Variants in CACNA1D observed in about 807,000 individuals in gnomAD.
CACNA1D encodes calcium voltage-gated channel subunit alpha1 D, also known as voltage-dependent L-type calcium channel subunit alpha-1D.
A neutral mutation model predicts 257.1 loss-of-function variants in CACNA1D; 55 were observed. The ratio of observed to expected loss-of-function variants is 0.21; its 90% CI spans 0.17 to 0.27. CACNA1D has a LOEUF of 0.27. Among genes scored for constraint, CACNA1D ranks in the 10% least tolerant of loss-of-function variants. The pLI is 1.00. For synonymous variants in CACNA1D, 980 were observed against 1,014.9 expected, an observed-to-expected ratio of 0.97 and a Z score of 0.65; for missense variants, 1,876 against 2,784.0, an observed-to-expected ratio of 0.67 and a Z score of 7.34.
chr3:53,517,399 A>T (rs760294607), intron 3 of CACNA1D, among the ~76,000 whole-genome samples: 5 of 152,088 alleles, frequency 3.3e-5, no homozygotes, highest in Admixed American at 1.3e-4. Context: ...GAAAGAGCCA[A>T]CCAGGCCAGA....
Position 53,643,324 on chromosome 3 carries a change from C to T in CACNA1D, c.484-7455C>T, listed in dbSNP as rs923493517. On this transcript the variant is annotated intron_variant, in intron 3 of 47. Transcript: ENST00000350061. ...CTCTGAGCCGACGCCTGCCTGCCCA[C>T]CAGCCTCCTGTGGTTTACCCACCAA... Among the ~76,000 whole-genome samples, 3 of 152,110 alleles carry T rather than the reference C, an allele frequency of 2.0e-5. No individual in the cohort carries two copies. In the South Asian group the frequency reaches 6.2e-4, roughly 32 times the overall value.
intron 8 of CACNA1D, among the ~76,000 whole-genome samples, chr3:53,688,033 A>G (rs1176226194): frequency 6.6e-6 from 1 of 152,268 alleles, no homozygotes; most frequent in Non-Finnish European, 1.5e-5. Flanking sequence ...AGTATCTCAT[A>G]AAGTTAAACA....
chr3:53,809,542 G>C (rs58956730), intron 46 of CACNA1D: 1 of 255,638 alleles, frequency 3.9e-6, no homozygotes, highest in South Asian at 5.2e-5. Context: ...GCCAAATGCC[G>C]GCTCTAGGAT....
intron 4 of CACNA1D, among the ~76,000 whole-genome samples, chr3:53,655,637 T>C (rs1454111740): frequency 2.0e-5 from 3 of 152,230 alleles, no homozygotes; most frequent in African/African-American, 7.2e-5. Context: ...TCATGTCCTT[T>C]GCTGACTTTT....
At chr3:53,750,947 C>G (rs958373761) in intron 27 of CACNA1D, among the ~76,000 whole-genome samples, 9 of 152,160 alleles carry the variant, frequency 5.9e-5, no homozygotes, top group Admixed American at 5.2e-4. Context: ...AGTGCTCCAG[C>G]TGGGTCCCAA....
At chr3:53,733,918 G>A (rs1186526141) in intron 19 of CACNA1D, among the ~76,000 whole-genome samples, 1 of 106,386 alleles carries the variant, frequency 9.4e-6, no homozygotes, top group Non-Finnish European at 2.0e-5. Context: ...CCCTTTGTGT[G>A]TGTGTGTGTG....
intron 29 of CACNA1D, among the ~76,000 whole-genome samples, chr3:53,761,497 T>C (rs1401112027): frequency 6.6e-6 from 1 of 152,280 alleles, no homozygotes; most frequent in Middle Eastern, 3.2e-3. Context: ...GCATGGCCTT[T>C]GTAATACAGG....
intron 8 of CACNA1D, among the ~76,000 whole-genome samples, chr3:53,685,302 A>G (rs890185611): frequency 1.3e-5 from 2 of 152,214 alleles, no homozygotes; most frequent in African/African-American, 4.8e-5. Flanking sequence ...GCACCTAAAT[A>G]CAGCTTGAGA....
intron 23 of CACNA1D, 69 bp downstream of exon 23, chr3:53,744,896 G>C: frequency 1.2e-6 from 1 of 867,564 alleles, no homozygotes; most frequent in Non-Finnish European, 2.0e-6. Context: ...GGCTCTTCTG[G>C]GCAGAGCTGA....
intron 41 of CACNA1D, 44 bp from the exon 42 acceptor site, chr3:53,801,014 A>T: frequency 6.2e-7 from 1 of 1,608,244 alleles, no homozygotes; most frequent in Non-Finnish European, 8.5e-7. Context: ...GTCTGCATCA[A>T]ATACTTGTTA....
At position 53,555,909 on chromosome 3, in the gene CACNA1D, C is replaced by A. The variant is rs547020544; in HGVS notation, c.483+54189C>A. Among the ~76,000 whole-genome samples, 4 of 152,238 alleles carry A rather than the reference C, an allele frequency of 2.6e-5. No individual in the cohort carries two copies. The East Asian group carries it at 7.7e-4, about 29-fold the overall frequency. On this transcript the variant is annotated intron_variant, in intron 3 of 47. Transcript: ENST00000350061. ...AGCTTTAACATATAAATTGTTGTAT[C>A]TCTTACCACAATTAAGATAACAGAA...
chr3:53,801,344 A>G lies in CACNA1D; in HGVS notation c.5327A>G (p.Asn1776Ser). Reference protein sequence around the residue: ...AAHGKRPSIGNLEHVSENGHH... With the variant: ...AAHGKRPSIGSLEHVSENGHH... ...CATGGAAAGCGGCCCAGCATTGGGAACCTTGAGCATGTGTCTGAAAATGGG... is the reference window on the plus strand; with the variant it reads ...CATGGAAAGCGGCCCAGCATTGGGAGCCTTGAGCATGTGTCTGAAAATGGG... The change falls in exon 42 of 48, where the codon AAC (asparagine) becomes AGC (serine). Residue 1776 changes from asparagine to serine, a missense_variant. Asn to Ser is a conservative substitution (Grantham distance 46). This residue lies in a region of CACNA1D where 491 missense variants were observed against 554.3 expected (regional missense o/e 0.89). Transcript: ENST00000350061. 6.2e-7 allele frequency: 1 copy of G among 1,614,204 alleles called. No homozygotes were observed.
chr3:53,520,890 C>CTTTCTTTCTTTCTTTCTTTTCT (rs1366127073), intron 3 of CACNA1D, among the ~76,000 whole-genome samples: 2 of 120,558 alleles, frequency 1.7e-5, no homozygotes, highest in African/African-American at 3.2e-5. Flanking sequence ...TTCTTTCTTT[C>CTTTCTTTCTTTCTTTCTTTTCT]TTTCTTTTCT....
At chr3:53,537,670 A>G (rs944279154) in intron 3 of CACNA1D, among the ~76,000 whole-genome samples, 1 of 152,214 alleles carries the variant, frequency 6.6e-6, no homozygotes, top group Non-Finnish European at 1.5e-5. Flanking sequence ...GAATTAGGAT[A>G]CAGGTAGGTT....
chr3:53,800,776 G>T lies in CACNA1D; in HGVS notation c.5041-282G>T. Reference sequence around the variant, plus strand: ...CTTGGGGCCACCAGCCAGCCCAGCTGGGTATAAGTCACCCCAACTTGGAGC... The same window carrying T: ...CTTGGGGCCACCAGCCAGCCCAGCTTGGTATAAGTCACCCCAACTTGGAGC... On this transcript the variant is annotated intron_variant, in intron 41 of 47. Coordinates refer to ENST00000350061, the MANE Select transcript of CACNA1D (RefSeq NM_001128840.3). The surrounding 1 kb of genome is among the most constrained non-coding windows in gnomAD (Gnocchi z 4.3). 1.8e-6 allele frequency: 1 copy of T among 543,946 alleles called. No homozygotes were observed. The highest frequency in any genetic ancestry group is 3.3e-6 in the Non-Finnish European group (1 of 302,322). 33.7% of individuals were successfully genotyped at this position (543,946 alleles called of 1,614,324 possible).
intron 3 of CACNA1D, among the ~76,000 whole-genome samples, chr3:53,577,429 A>T (rs915886429): frequency 6.6e-6 from 1 of 152,064 alleles, no homozygotes; most frequent in South Asian, 2.1e-4. Context: ...CCCTGGATTT[A>T]TATCTTACCA....
intron 3 of CACNA1D, among the ~76,000 whole-genome samples, chr3:53,569,343 C>T (rs1418286067): frequency 1.3e-5 from 2 of 152,210 alleles, no homozygotes; most frequent in African/African-American, 4.8e-5. Context: ...AAGTGCTTAC[C>T]ACTGCTCACT....
At chr3:53,509,605 C>T (rs548053198) in intron 3 of CACNA1D, among the ~76,000 whole-genome samples, 3 of 152,108 alleles carry the variant, frequency 2.0e-5, no homozygotes, top group South Asian at 2.1e-4. Context: ...GGGGCTGACC[C>T]GAGGGAGGGC....
chr3:53,757,833 T>C (rs1430843128), intron 29 of CACNA1D, among the ~76,000 whole-genome samples: 4 of 152,222 alleles, frequency 2.6e-5, no homozygotes, highest in Non-Finnish European at 4.4e-5. Flanking sequence ...TTATCTTCTC[T>C]GAGACAGCAT....
Sources: gnomAD v4.1 joint callset for allele counts (sites outside exome capture counted in the v4.1 genomes callset) on GRCh38, gnomAD v4.1.1 for gene constraint, gnomAD v4.1.1 regional missense constraint, Gnocchi (gnomAD v3.1) non-coding constraint, MANE v1.5 for transcripts, NCBI Gene and HGNC (gene_info 2026-07-23, HGNC 2026-07-21) for gene names.